The following MIEF2 variants were observed in gnomAD, a reference collection of about 807,000 sequenced individuals.
The protein encoded by MIEF2 is mitochondrial dynamics protein MID49.
In MIEF2, 1 loss-of-function variant was observed where a neutral mutation model predicts 7.4. The observed-to-expected ratio is 0.14, with a 90% CI of 0.05 to 0.64. The LOEUF (loss-of-function observed/expected upper bound fraction) is 0.64. Ranked by LOEUF, MIEF2 falls within the 30% of genes least tolerant of loss-of-function variation. The pLI is 0.85. For missense variants in MIEF2, 569 were observed against 623.9 expected, an observed-to-expected ratio of 0.91 and a Z score of 0.94; for synonymous variants, 275 against 290.5, an observed-to-expected ratio of 0.95 and a Z score of 0.54.
At chr17:18,261,964 G>A (rs1191341870) in intron 1 of MIEF2, among the ~76,000 whole-genome samples, 3 of 152,224 alleles carry the variant, frequency 2.0e-5, no homozygotes, top group Non-Finnish European at 4.4e-5. Flanking sequence ...TACTCTGCCC[G>A]TGCTCTGACT....
intron 1 of MIEF2, among the ~76,000 whole-genome samples, chr17:18,261,514 G>C (rs1978414973): frequency 6.6e-6 from 1 of 152,188 alleles, no homozygotes; most frequent in South Asian, 2.1e-4. Flanking sequence ...GCCTCCCCGG[G>C]AGAGTTCTGC....
Position 18,263,903 on chromosome 17 carries a change from C to G in MIEF2, c.504C>G (p.Phe168Leu), listed in dbSNP as rs763551957. ...TGCAGGCCTACTTTCGGAGCAAGTTCCCGGAACTGCCCTTTGGGGCATTCG... is the reference window on the plus strand; with the variant it reads ...TGCAGGCCTACTTTCGGAGCAAGTTGCCGGAACTGCCCTTTGGGGCATTCG... ...LELQAYFRSK[F>L]PELPFGAFVP... The change falls in exon 4 of 4, where the codon TTC becomes TTG. Residue 168 changes from phenylalanine to leucine, a missense_variant. By Grantham distance (22) the Phe-to-Leu change is conservative (BLOSUM62 0). Coordinates refer to ENST00000323019, the MANE Select transcript of MIEF2 (RefSeq NM_139162.4). The G allele has an allele frequency of 4.4e-6, 7 of 1,601,436 alleles. No homozygotes were observed. The South Asian group carries it at 7.7e-5, about 18-fold the overall frequency.
rs77706908 is a variant in MIEF2 at position 18,263,978 on chromosome 17, T to C, written c.579T>C (p.His193=). Residue 193 remains histidine, a synonymous_variant, in exon 4 of 4, where the codon CAT becomes CAC. Coordinates refer to ENST00000323019, the MANE Select transcript of MIEF2 (RefSeq NM_139162.4). ...YDGLQAGAAD[H]VRLLVPLVLE... Reference sequence around the variant, plus strand: ...GGCTGCAGGCGGGGGCTGCGGACCATGTGCGTCTCCTGGTGCCACTGGTGC... The same window carrying C: ...GGCTGCAGGCGGGGGCTGCGGACCACGTGCGTCTCCTGGTGCCACTGGTGC... The C allele has an allele frequency of 5.7e-6, 9 of 1,575,634 alleles. No homozygotes were observed. The East Asian group carries it at 6.8e-5, about 12-fold the overall frequency.
rs1978642979 is a variant in MIEF2 at position 18,264,605 on chromosome 17, G to C, written c.1206G>C (p.Leu402=). The change falls in exon 4 of 4, where the codon CTG becomes CTC. Residue 402 remains leucine, a synonymous_variant. Coordinates refer to ENST00000323019, the MANE Select transcript of MIEF2 (RefSeq NM_139162.4). ...AGGAGGCCTTGGGTGAGCGCTTCCT[G>C]CAAGCCCTGGAGCTGCTCATCGGCA... ...WTEEALGERF[L]QALELLIGSL... 6.2e-7 allele frequency: 1 copy of C among 1,610,968 alleles called. No homozygotes were observed.
chr17:18,262,936 G>A (rs1446191420), intron 2 of MIEF2, 69 bp downstream of exon 2: 1 of 1,521,844 alleles, frequency 6.6e-7, no homozygotes, highest in East Asian at 2.3e-5. Flanking sequence ...CTTTTCAGAG[G>A]GGCCCTGGGG....
Position 18,262,859 on chromosome 17 carries a change from G to A in MIEF2, c.139G>A (p.Val47Met), listed in dbSNP as rs1978489141. The A allele has an allele frequency of 3.9e-6, 6 of 1,540,786 alleles. No individual in the cohort carries two copies. Among genetic ancestry groups the A allele is most frequent in the South Asian group, 1.3e-5 (1 of 79,964 alleles). The change falls in exon 2 of 4, where the codon GTG becomes ATG. Residue 47 changes from valine (V) to methionine (M), a missense_variant. Val to Met is a conservative substitution (Grantham distance 21, BLOSUM62 1). Coordinates refer to ENST00000323019, the MANE Select transcript of MIEF2 (RefSeq NM_139162.4). Reference protein sequence around the residue: ...AAVLGIATLAVKRFIDRATSP... With the variant: ...AAVLGIATLAMKRFIDRATSP... ...TGTGCTGGGCATTGCCACCCTGGCC[G>A]TGAAGCGGGTAAGGCCAAGTGGGCG... is the stretch of plus-strand genomic sequence containing the variant.
At chr17:18,261,934 C>G (rs1978437582) in intron 1 of MIEF2, among the ~76,000 whole-genome samples, 1 of 152,270 alleles carries the variant, frequency 6.6e-6, no homozygotes, top group Admixed American at 6.5e-5. Flanking sequence ...ATTGGCCTGC[C>G]TGGGCAGCTT....
At chr17:18,260,896 C>A (rs1215509148) in intron 1 of MIEF2, among the ~76,000 whole-genome samples, 159 bp downstream of exon 1, 1 of 152,204 alleles carries the variant, frequency 6.6e-6, no homozygotes, top group Non-Finnish European at 1.5e-5. Context: ...CCTAGCCCAG[C>A]CCCCTTCCCC....
Position 18,264,581 on chromosome 17 carries a change from G to T in MIEF2, c.1182G>T (p.Glu394Asp). 6.2e-7 allele frequency: 1 copy of T among 1,610,982 alleles called. No homozygotes were observed. Residue 394 changes from glutamate to aspartate, a missense_variant, in exon 4 of 4, where the codon GAG becomes GAT. By Grantham distance (45) the Glu-to-Asp change is conservative (BLOSUM62 2). Transcript: ENST00000323019. Reference sequence around the variant, plus strand: ...GGGAGGACAACGTGGATTGGACGGAGGAGGCCTTGGGTGAGCGCTTCCTGC... The same window carrying T: ...GGGAGGACAACGTGGATTGGACGGATGAGGCCTTGGGTGAGCGCTTCCTGC... ...RLGEDNVDWT[E>D]EALGERFLQA...
Position 18,265,652 on chromosome 17 carries a change from A to G in MIEF2, c.*888A>G, listed in dbSNP as rs535171960. On this transcript the variant is annotated 3_prime_UTR_variant, in exon 4 of 4. Coordinates refer to ENST00000323019, the MANE Select transcript of MIEF2 (RefSeq NM_139162.4). The stretch of plus-strand genomic sequence containing the variant: ...CCTGTTAAGAGGTAGCAAGGGGGCT[A>G]GAGGAGGGAGATTCCACCTCCCCTC... The G allele has an allele frequency of 3.6e-3, 551 of 152,228 alleles. 5 individuals are homozygous for G. The highest frequency in any genetic ancestry group is 0.026 in the South Asian group (123 of 4,800). 9.4% of individuals were successfully genotyped at this position (152,228 alleles called of 1,614,324 possible).
chr17:18,260,935 G>T (rs1037020311), intron 1 of MIEF2, among the ~76,000 whole-genome samples, 198 bp downstream of exon 1: 1 of 152,200 alleles, frequency 6.6e-6, no homozygotes, highest in African/African-American at 2.4e-5. Flanking sequence ...TCCTGCGAAC[G>T]GGGCGTCACC....
At chr17:18,261,099 A>G in intron 1 of MIEF2, 1 of 1,551,204 alleles carries the variant, frequency 6.4e-7, no homozygotes, top group Non-Finnish European at 8.7e-7. Flanking sequence ...TCGGAGCTGG[A>G]AGGCTGTGGA....
Position 18,264,149 on chromosome 17 carries a change from C to T in MIEF2, c.750C>T (p.Ser250=), listed in dbSNP as rs1243562697. ...GCTTCCTGGTCGGGGGCTACCTCTC[C>T]TCCCGCGTCCTGCTGGAGCTACTCC... ...WDRFLVGGYL[S]SRVLLELLRK... Residue 250 remains serine, a synonymous_variant, in exon 4 of 4, where the codon TCC becomes TCT. Coordinates refer to ENST00000323019, the MANE Select transcript of MIEF2 (RefSeq NM_139162.4). The T allele has an allele frequency of 1.3e-5, 20 of 1,567,206 alleles. No individual in the cohort carries two copies. The highest frequency in any genetic ancestry group is 1.6e-5 in the Non-Finnish European group (19 of 1,161,752).
rs1431801633 is a variant in MIEF2, at chr17:18,264,687, A to G, written c.1288A>G (p.Ser430Gly). ...HFNPSVNLFSSLREEEIDDIG... is the reference protein window; with the variant it reads ...HFNPSVNLFSGLREEEIDDIG... Reference sequence around the variant, plus strand: ...CAACCCCAGCGTGAACCTCTTCAGCAGCTTGCGTGAGGAGGAGATTGACGA... The same window carrying G: ...CAACCCCAGCGTGAACCTCTTCAGCGGCTTGCGTGAGGAGGAGATTGACGA... The change falls in exon 4 of 4, where the codon AGC becomes GGC. Residue 430 changes from serine (S) to glycine (G), a missense_variant. By Grantham distance (56) the Ser-to-Gly change is moderately conservative. Transcript: ENST00000323019. 4 of 1,612,822 alleles carry G rather than the reference A, an allele frequency of 2.5e-6. No homozygotes were observed. Among genetic ancestry groups the G allele is most frequent in the Non-Finnish European group, 3.4e-6 (4 of 1,180,012 alleles).
In MIEF2 at chr17:18,264,483, G is replaced by A. The variant is rs145290558; in HGVS notation, c.1084G>A (p.Ala362Thr). 6.2e-7 allele frequency: 1 copy of A among 1,606,070 alleles called. No individual in the cohort carries two copies. Among genetic ancestry groups the A allele is most frequent in the African/African-American group, 1.3e-5 (1 of 74,932 alleles). Residue 362 changes from alanine (A) to threonine (T), a missense_variant, in exon 4 of 4, where the codon GCT becomes ACT. Transcript: ENST00000323019. The stretch of plus-strand genomic sequence containing the variant: ...CCGGCGGCTGCTGCTGCTGCTGTGT[G>A]CTGTCTGCCGTGGTTGCTCGGCTCT... ...TRRRLLLLLC[A>T]VCRGCSALGQ... is the part of the protein sequence containing the mutation.
At position 18,264,316 on chromosome 17, in the gene MIEF2, C is replaced by G; in HGVS notation, c.917C>G (p.Ala306Gly). The G allele has an allele frequency of 1.2e-6, 2 of 1,607,372 alleles. No homozygotes were observed. Among genetic ancestry groups the G allele is most frequent in the African/African-American group, 2.7e-5 (2 of 75,042 alleles). The change falls in exon 4 of 4, where the codon GCA (alanine) becomes GGA (glycine). Residue 306 changes from alanine to glycine, a missense_variant. By Grantham distance (60) the Ala-to-Gly change is moderately conservative (BLOSUM62 0). Coordinates refer to ENST00000323019, the MANE Select transcript of MIEF2 (RefSeq NM_139162.4). ...GAGCTCACTGTGGCTGTGCTTGTGG[C>G]AGTCCCTGGGGTCGATGCTGACGAC... ...RLELTVAVLV[A>G]VPGVDADDRL...
In MIEF2 at chr17:18,263,922, G is replaced by T; in HGVS notation, c.523G>T (p.Ala175Ser). ...RSKFPELPFG[A>S]FVPGGPLYDG... Reference sequence around the variant, plus strand: ...CAAGTTCCCGGAACTGCCCTTTGGGGCATTCGTGCCTGGGGGGCCGCTCTA... The same window carrying T: ...CAAGTTCCCGGAACTGCCCTTTGGGTCATTCGTGCCTGGGGGGCCGCTCTA... The change falls in exon 4 of 4, where the codon GCA becomes TCA. Residue 175 changes from alanine (A) to serine (S), a missense_variant. Ala to Ser is a moderately conservative substitution (Grantham distance 99). Coordinates refer to ENST00000323019, the MANE Select transcript of MIEF2 (RefSeq NM_139162.4). The T allele has an allele frequency of 6.3e-7, 1 of 1,598,118 alleles. No homozygotes were observed. Among genetic ancestry groups the T allele is most frequent in the Middle Eastern group, 1.7e-4 (1 of 6,048 alleles).
intron 2 of MIEF2, 72 bp downstream of exon 2, chr17:18,262,939 C>T (rs1224524822): frequency 1.3e-6 from 2 of 1,524,120 alleles, no homozygotes; most frequent in African/African-American, 1.4e-5. Context: ...TTCAGAGGGG[C>T]CCTGGGGAGG....
chr17:18,266,256 A>G lies in MIEF2; in HGVS notation c.*1492A>G, dbSNP rs1978744535. On this transcript the variant is annotated 3_prime_UTR_variant, in exon 4 of 4. Transcript: ENST00000323019. ...GCCCCGCGCTGTGGCTCACGCCTAT[A>G]ATCCCAGCACTTTGGGAAGCCGAGG... The G allele has an allele frequency of 6.6e-6, 1 of 152,232 alleles. No homozygotes were observed. Among genetic ancestry groups the G allele is most frequent in the Non-Finnish European group, 1.5e-5 (1 of 68,064 alleles). The allele number at this position is 152,232 out of a possible 1,614,324, so 9.4% of individuals were successfully genotyped here. A position where few individuals can be genotyped will look rare whatever the true frequency, so the allele number is the denominator to read the frequency against.
Sources: allele counts gnomAD v4.1 joint callset (sites outside exome capture counted in the v4.1 genomes callset), GRCh38; gene constraint gnomAD v4.1.1; transcripts MANE v1.5; gene names NCBI Gene and HGNC (gene_info 2026-07-23, HGNC 2026-07-21).